The following HNRNPM variants were observed in gnomAD, a reference collection of about 807,000 sequenced individuals.
HNRNPM encodes heterogeneous nuclear ribonucleoprotein M, also known as CEA receptor.
In HNRNPM, 11 loss-of-function variants were observed where a neutral mutation model predicts 73.1. The observed-to-expected ratio is 0.15, with a 90% CI of 0.09 to 0.25. HNRNPM has a LOEUF of 0.25. Among genes scored for constraint, HNRNPM ranks in the 10% least tolerant of loss-of-function variants. HNRNPM has a pLI of 1.00. For missense variants in HNRNPM, 789 were observed against 1,067.9 expected, an observed-to-expected ratio of 0.74 and a Z score of 3.64; for synonymous variants, 407 against 355.2, an observed-to-expected ratio of 1.15 and a Z score of -1.64.
chr19:8,483,582 G>C (rs1339572435), intron 13 of HNRNPM, among the ~76,000 whole-genome samples: 1 of 152,100 alleles, frequency 6.6e-6, no homozygotes, highest in East Asian at 1.9e-4. Context: ...CCTTAGACTT[G>C]ATGATAAGAC....
At chr19:8,475,649 A>T (rs1478107639) in intron 12 of HNRNPM, among the ~76,000 whole-genome samples, 1 of 152,206 alleles carries the variant, frequency 6.6e-6, no homozygotes, top group Non-Finnish European at 1.5e-5. Flanking sequence ...AGTTGTCACC[A>T]TTAGTAATAA....
intron 1 of HNRNPM, among the ~76,000 whole-genome samples, chr19:8,450,875 A>G (rs1435354366): frequency 2.0e-5 from 3 of 147,706 alleles, no homozygotes; most frequent in African/African-American, 7.6e-5. Flanking sequence ...GATTACAGGC[A>G]CCCGCCACCA....
At chr19:8,461,271 A>T (rs1969378419) in intron 2 of HNRNPM, among the ~76,000 whole-genome samples, 1 of 152,198 alleles carries the variant, frequency 6.6e-6, no homozygotes, top group South Asian at 2.1e-4. Flanking sequence ...AATTTTTTGT[A>T]AAATAATTTT....
At chr19:8,455,944 C>CTTTTTTTTTTTTTTTT (rs369296420) in intron 2 of HNRNPM, among the ~76,000 whole-genome samples, 1 of 134,506 alleles carries the variant, frequency 7.4e-6, no homozygotes, top group African/African-American at 2.8e-5. Context: ...CCTTTCTTTC[C>CTTTTTTTTTTTTTTTT]TTTTTTTTTT....
At chr19:8,472,709 A>G in intron 10 of HNRNPM, among the ~76,000 whole-genome samples, 1 of 152,172 alleles carries the variant, frequency 6.6e-6, no homozygotes, top group East Asian at 1.9e-4. Flanking sequence ...CAGCCTCCCA[A>G]GTAGCTGGGA....
At chr19:8,447,712 CTG>C (rs1968300633) in intron 1 of HNRNPM, among the ~76,000 whole-genome samples, 1 of 152,078 alleles carries the variant, frequency 6.6e-6, no homozygotes, top group African/African-American at 2.4e-5. Context: ...TGGTGAAACC[CTG>C]TCTCTACCAA....
At chr19:8,457,439 C>A (rs1409999102) in intron 2 of HNRNPM, among the ~76,000 whole-genome samples, 2 of 152,292 alleles carry the variant, frequency 1.3e-5, no homozygotes, top group Non-Finnish European at 2.9e-5. Flanking sequence ...TGCCTGGGCT[C>A]AGCCCTCTCA....
chr19:8,468,648 A>G lies in HNRNPM; in HGVS notation c.835-126A>G, dbSNP rs2145682779. On this transcript the variant is annotated intron_variant, in intron 8 of 15. Coordinates refer to ENST00000325495, the MANE Select transcript of HNRNPM (RefSeq NM_005968.5). The stretch of plus-strand genomic sequence containing the variant: ...TCCGCATGCCTTTCTACCCTTGCGT[A>G]TTACTCCATGGCGTGGATAATGTGT... The G allele has an allele frequency of 4.2e-6, 3 of 706,270 alleles. No homozygotes were observed. In the South Asian group the frequency reaches 4.6e-5, roughly 11 times the overall value. The allele number at this position is 706,270 out of a possible 1,614,324, so 43.8% of individuals were successfully genotyped here. A position where few individuals can be genotyped will look rare whatever the true frequency, so the allele number is the denominator to read the frequency against.
At chr19:8,466,508 G>T (rs542647628) in intron 7 of HNRNPM, 120 bp downstream of exon 7, 83 of 1,011,372 alleles carry the variant, frequency 8.2e-5, no homozygotes, top group Non-Finnish European at 1.2e-4. Flanking sequence ...TGACTAGGGG[G>T]AGTGCATTAC....
intron 13 of HNRNPM, 70 bp downstream of exon 13, chr19:8,483,281 A>G: frequency 8.3e-7 from 1 of 1,208,322 alleles, no homozygotes. Context: ...TGTAGAGCTT[A>G]GTGGTGAGAA....
intron 7 of HNRNPM, 31 bp from the exon 8 acceptor site, chr19:8,467,504 T>C: frequency 6.4e-7 from 1 of 1,572,756 alleles, no homozygotes; most frequent in Non-Finnish European, 8.7e-7. Context: ...ATTTTTAGAA[T>C]TGCAAGAAAT....
At chr19:8,479,125 G>T (rs1481972770) in intron 12 of HNRNPM, among the ~76,000 whole-genome samples, 3 of 106,988 alleles carry the variant, frequency 2.8e-5, no homozygotes, top group Non-Finnish European at 5.2e-5. Context: ...TCGCTTTGTT[G>T]CCCAGGCTGG....
intron 5 of HNRNPM, among the ~76,000 whole-genome samples, chr19:8,464,729 G>GT (rs956567766): frequency 7.2e-5 from 11 of 152,184 alleles, no homozygotes; most frequent in African/African-American, 2.7e-4. Context: ...GGTCTCTCAT[G>GT]TGTTATGATG....
At chr19:8,460,670 G>A (rs1034993317) in intron 2 of HNRNPM, among the ~76,000 whole-genome samples, 5 of 152,216 alleles carry the variant, frequency 3.3e-5, no homozygotes, top group Non-Finnish European at 7.3e-5. Flanking sequence ...TGATCCAAGC[G>A]TCTTATGGAC....
intron 5 of HNRNPM, among the ~76,000 whole-genome samples, chr19:8,464,959 C>T (rs77654755): frequency 0.029 from 4,400 of 152,260 alleles, 235 homozygotes; most frequent in African/African-American, 0.1. Flanking sequence ...AGTTACAAAA[C>T]CCCATTGATG....
intron 12 of HNRNPM, among the ~76,000 whole-genome samples, chr19:8,477,013 G>C (rs760340141): frequency 6.6e-6 from 1 of 152,090 alleles, no homozygotes; most frequent in Non-Finnish European, 1.5e-5. Flanking sequence ...GCCAGTCCTT[G>C]TTAATTCATA....
At chr19:8,455,819 G>A (rs533427637) in intron 2 of HNRNPM, among the ~76,000 whole-genome samples, 24 of 151,536 alleles carry the variant, frequency 1.6e-4, no homozygotes, top group Non-Finnish European at 2.8e-4. Flanking sequence ...TGGTCCTTTG[G>A]CCTACAGATG....
chr19:8,487,323 T>G, intron 15 of HNRNPM: 1 of 478,296 alleles, frequency 2.1e-6, no homozygotes, highest in South Asian at 2.2e-5. Context: ...AAGGTAGTAG[T>G]GTCCCCATTT....
chr19:8,462,341 C>T lies in HNRNPM; in HGVS notation c.284-188C>T, dbSNP rs896182639. On this transcript the variant is annotated intron_variant, in intron 2 of 15. Transcript: ENST00000325495. This position sits in a 1 kb window ranked among gnomAD's most constrained non-coding sequence, Gnocchi z 4.5. ...AGGAAAATCAAGGACATATTGTTAA[C>T]GTGTTTTCACCTACTTTTACTGCAC... The T allele has an allele frequency of 2.6e-5, 15 of 572,128 alleles. No homozygotes were observed. The highest frequency in any genetic ancestry group is 2.4e-4 in the African/African-American group (13 of 53,444). 35.4% of individuals were successfully genotyped at this position (572,128 alleles called of 1,614,324 possible). A position where few individuals can be genotyped will look rare whatever the true frequency, so the allele number is the denominator to read the frequency against.
Sources: gnomAD v4.1 joint callset for allele counts (sites outside exome capture counted in the v4.1 genomes callset) on GRCh38, gnomAD v4.1.1 for gene constraint, Gnocchi (gnomAD v3.1) non-coding constraint, MANE v1.5 for transcripts, NCBI Gene and HGNC (gene_info 2026-07-23, HGNC 2026-07-21) for gene names.